Variants in AAMP observed in about 807,000 individuals in gnomAD.
The protein encoded by AAMP is angio associated migratory cell protein, also known as angio-associated migratory cell protein.
Under a neutral mutation model 51.1 loss-of-function variants are expected in AAMP, and 12 were observed. The observed-to-expected ratio is 0.23, with a 90% CI of 0.15 to 0.38. The LOEUF (loss-of-function observed/expected upper bound fraction) is 0.38. Among genes scored for constraint, AAMP ranks in the 10% least tolerant of loss-of-function variants. AAMP has a pLI of 1.00. For missense variants in AAMP, 418 were observed against 557.2 expected (o/e 0.75, Z 2.52); for synonymous variants, 210 against 218.7 (o/e 0.96, Z 0.35).
chr2:218,264,416 A>G lies in AAMP; in HGVS notation c.*117T>C. On this transcript the variant is annotated 3_prime_UTR_variant, in exon 11 of 11. Transcript: ENST00000248450. ...AGCAAGTCAGTTGAAGAGGCTGGAA[A>G]GTCATCCAGGGCCCCACCCTCCTCT... 1.0e-6 allele frequency: 1 copy of G among 983,490 alleles called. No homozygotes were observed. The highest frequency in any genetic ancestry group is 1.4e-5 in the South Asian group (1 of 73,996). The allele number at this position is 983,490 out of a possible 1,614,324, so 60.9% of individuals were successfully genotyped here.
At chr2:218,268,752 G>A (rs1017001976) in intron 2 of AAMP, among the ~76,000 whole-genome samples, 3 of 144,026 alleles carry the variant, frequency 2.1e-5, no homozygotes, top group Non-Finnish European at 4.5e-5. Context: ...AGGCTGGAGT[G>A]CAATGGCGCA....
chr2:218,268,432 A>G (rs1006952411), intron 2 of AAMP, among the ~76,000 whole-genome samples: 27 of 152,028 alleles, frequency 1.8e-4, no homozygotes, highest in African/African-American at 6.0e-4. Flanking sequence ...TCTGCCTCCC[A>G]GGTTCAAGTG....
At chr2:218,268,659 TACTC>T (rs1690696142) in intron 2 of AAMP, among the ~76,000 whole-genome samples, 1 of 151,638 alleles carries the variant, frequency 6.6e-6, no homozygotes, top group South Asian at 2.1e-4. Context: ...TCTAATTTTA[TACTC>T]ACTACTTTTA....
Position 218,265,007 on chromosome 2 carries a change from C to G in AAMP, c.1229+13G>C, listed in dbSNP as rs1424658193. On this transcript the variant is annotated intron_variant, in intron 10 of 10. Transcript: ENST00000248450. This position sits in a 1 kb window ranked among gnomAD's most constrained non-coding sequence, Gnocchi z 6.6. ...AATACACAAAGATCCCAGCCCTTGG[C>G]CAATTCACTTACTTGCTGAGGGCAA... The G allele has an allele frequency of 6.2e-7, 1 of 1,613,698 alleles. No individual in the cohort carries two copies. Among genetic ancestry groups the G allele is most frequent in the Admixed American group, 1.7e-5 (1 of 60,026 alleles).
rs932282857 is a variant in AAMP, at chr2:218,266,093, T to G, written c.734A>C (p.Lys245Thr). ...EDGTIRIWDL[K>T]QGSPIHVLKG... ...CAGTACATGGATAGGGCTTCCCTGCTTCAGGTCCCAAATCCTGATGGTCCC... is the reference window on the plus strand; with the variant it reads ...CAGTACATGGATAGGGCTTCCCTGCGTCAGGTCCCAAATCCTGATGGTCCC... Residue 245 changes from lysine (K) to threonine (T), a missense_variant, in exon 6 of 11, where the codon AAG becomes ACG. Transcript: ENST00000248450. The surrounding 1 kb of genome is among the most constrained non-coding windows in gnomAD (Gnocchi z 4.7). The G allele has an allele frequency of 3.7e-6, 6 of 1,614,184 alleles. No individual in the cohort carries two copies. The highest frequency in any genetic ancestry group is 4.2e-6 in the Non-Finnish European group (5 of 1,180,030).
chr2:218,265,393 A>C lies in AAMP; in HGVS notation c.1052T>G (p.Leu351Arg). 1 of 1,561,024 alleles carries C rather than the reference A, an allele frequency of 6.4e-7. No individual in the cohort carries two copies. Among genetic ancestry groups the C allele is most frequent in the Non-Finnish European group, 8.7e-7 (1 of 1,151,564 alleles). Reference protein sequence around the residue: ...LAIYDLATQTLRHQCQHQSGI... With the variant: ...LAIYDLATQTRRHQCQHQSGI... ...TACCTGGTGCTGACACTGATGCCTA[A>C]GAGTCTGCGTAGCCAGGTCATAGAT... Residue 351 changes from leucine to arginine, a missense_variant, in exon 9 of 11, where the codon CTT (leucine) becomes CGT (arginine). Transcript: ENST00000248450. This position sits in a 1 kb window ranked among gnomAD's most constrained non-coding sequence, Gnocchi z 6.6.
Position 218,265,504 on chromosome 2 carries a change from C to T in AAMP, c.984-43G>A, listed in dbSNP as rs1340978751. The T allele has an allele frequency of 2.6e-6, 4 of 1,566,642 alleles. No individual in the cohort carries two copies. The highest frequency in any genetic ancestry group is 3.5e-6 in the Non-Finnish European group (4 of 1,141,192). On this transcript the variant is annotated intron_variant, in intron 8 of 10. Transcript: ENST00000248450. The surrounding 1 kb of genome is among the most constrained non-coding windows in gnomAD (Gnocchi z 6.6). Reference sequence around the variant, plus strand: ...CCATGAAGACTCATGAGGGCCTGGACTCACACGCCCTGCCGTCCTCCCGGG... The same window carrying T: ...CCATGAAGACTCATGAGGGCCTGGATTCACACGCCCTGCCGTCCTCCCGGG...
chr2:218,267,031 C>A lies in AAMP; in HGVS notation c.395-45G>T. 6.2e-7 allele frequency: 1 copy of A among 1,607,242 alleles called. No homozygotes were observed. Among genetic ancestry groups the A allele is most frequent in the South Asian group, 1.1e-5 (1 of 90,786 alleles). Reference sequence around the variant, plus strand: ...GAAAACAGAGGAAAAAAATAGGGTACCTGGTGCTGGGGGCATGTGATTCTG... The same window carrying A: ...GAAAACAGAGGAAAAAAATAGGGTAACTGGTGCTGGGGGCATGTGATTCTG... On this transcript the variant is annotated intron_variant, in intron 3 of 10. Transcript: ENST00000248450. The surrounding 1 kb of genome is among the most constrained non-coding windows in gnomAD (Gnocchi z 4.6).
Position 218,266,777 on chromosome 2 carries a change from T to C in AAMP, c.534+70A>G, listed in dbSNP as rs936325735. The C allele has an allele frequency of 4.2e-5, 67 of 1,600,712 alleles. No individual in the cohort carries two copies. Among genetic ancestry groups the C allele is most frequent in the Middle Eastern group, 2.1e-4 (1 of 4,682 alleles). ...TGGCTTGGCGCAATAAAGGCAGAAC[T>C]GGCCTCCCAAGCTTGCACCCCCAAC... On this transcript the variant is annotated intron_variant, in intron 4 of 10. Transcript: ENST00000248450. This position sits in a 1 kb window ranked among gnomAD's most constrained non-coding sequence, Gnocchi z 4.7.
Position 218,266,466 on chromosome 2 carries a change from G to A in AAMP, c.656C>T (p.Thr219Ile). 2 of 1,614,070 alleles carry A rather than the reference G, an allele frequency of 1.2e-6. No individual in the cohort carries two copies. The highest frequency in any genetic ancestry group is 1.7e-6 in the Non-Finnish European group (2 of 1,179,964). Residue 219 changes from threonine to isoleucine, a missense_variant, in exon 5 of 11, where the codon ACC becomes ATC. Transcript: ENST00000248450. The surrounding 1 kb of genome is among the most constrained non-coding windows in gnomAD (Gnocchi z 4.7). The stretch of plus-strand genomic sequence containing the variant: ...ACCATCAGGGAGGACTCGGCCACAG[G>A]TGGCTGGGCAGTTGGGACCCTGGAA... ...KTFQGPNCPA[T>I]CGRVLPDGKR...
In AAMP at chr2:218,269,490, C is replaced by T; in HGVS notation, c.166G>A (p.Glu56Lys). 1 of 1,614,278 alleles carries T rather than the reference C, an allele frequency of 6.2e-7. No individual in the cohort carries two copies. ...EMEDVDFEEE[E>K]EEEGNEEGWV... Reference sequence around the variant, plus strand: ...CCCTCTTCGTTGCCCTCTTCCTCCTCTTCTTCCTCAAAGTCCACATCTTCC... The same window carrying T: ...CCCTCTTCGTTGCCCTCTTCCTCCTTTTCTTCCTCAAAGTCCACATCTTCC... Residue 56 changes from glutamate (E) to lysine (K), a missense_variant, in exon 2 of 11, where the codon GAG (glutamate) becomes AAG (lysine). Glu to Lys is a moderately conservative substitution (Grantham distance 56, BLOSUM62 1). Transcript: ENST00000248450.
At chr2:218,269,337 A>T in intron 2 of AAMP, 45 bp downstream of exon 2, 1 of 1,610,210 alleles carries the variant, frequency 6.2e-7, no homozygotes, top group Non-Finnish European at 8.5e-7. Flanking sequence ...TAATGCTTAC[A>T]CGCCCACCTA....
intron 1 of AAMP, chr2:218,269,758 G>T: frequency 3.0e-6 from 3 of 996,612 alleles, no homozygotes; most frequent in Non-Finnish European, 4.4e-6. Context: ...AAGGGGGTGT[G>T]TGAGGGGAAG....
At position 218,265,006 on chromosome 2, in the gene AAMP, G is replaced by T; in HGVS notation, c.1229+14C>A. ...AAATACACAAAGATCCCAGCCCTTG[G>T]CCAATTCACTTACTTGCTGAGGGCA... On this transcript the variant is annotated intron_variant, in intron 10 of 10. Transcript: ENST00000248450. The surrounding 1 kb of genome is among the most constrained non-coding windows in gnomAD (Gnocchi z 6.6). The T allele has an allele frequency of 6.2e-7, 1 of 1,613,586 alleles. No individual in the cohort carries two copies. Among genetic ancestry groups the T allele is most frequent in the South Asian group, 1.1e-5 (1 of 91,088 alleles).
intron 1 of AAMP, 152 bp from the exon 2 acceptor site, chr2:218,269,686 A>T: frequency 7.5e-7 from 1 of 1,326,640 alleles, no homozygotes; most frequent in Non-Finnish European, 1.1e-6. Context: ...CGCGGGACAC[A>T]GGACGGGAGG....
intron 1 of AAMP, 112 bp from the exon 2 acceptor site, chr2:218,269,646 G>T: frequency 1.3e-6 from 2 of 1,565,358 alleles, no homozygotes; most frequent in Non-Finnish European, 1.7e-6. Context: ...AGGGAAGGTG[G>T]AGTCAGACAC....
rs760838379 is a variant in AAMP at position 218,267,612 on chromosome 2, T to A, written c.276A>T (p.Ala92=). The change falls in exon 3 of 11, where the codon GCA becomes GCT. Residue 92 remains alanine (A), a splice_region_variant and synonymous_variant. Transcript: ENST00000248450. This position sits in a 1 kb window ranked among gnomAD's most constrained non-coding sequence, Gnocchi z 4.6. ...DSEVTFALHS[A]SVFCVSLDPK... ...GGTCCAGGCTCACACAAAACACAGA[T>A]GCTGTCCCAAGAGATATTCCATGGG... 6.2e-7 allele frequency: 1 copy of A among 1,614,092 alleles called. No individual in the cohort carries two copies. The highest frequency in any genetic ancestry group is 1.7e-5 in the Admixed American group (1 of 60,008).
Position 218,265,690 on chromosome 2 carries a change from C to G in AAMP, c.880-8G>C, listed in dbSNP as rs371630534. The G allele has an allele frequency of 4.6e-4, 740 of 1,611,424 alleles. 11 individuals carry two copies. The Middle Eastern group carries it at 0.024, about 53-fold the overall frequency. On this transcript the variant is annotated splice_region_variant and splice_polypyrimidine_tract_variant and intron_variant, in intron 7 of 10. Coordinates refer to ENST00000248450, the MANE Select transcript of AAMP (RefSeq NM_001087.5). This position sits in a 1 kb window ranked among gnomAD's most constrained non-coding sequence, Gnocchi z 6.6. The stretch of plus-strand genomic sequence containing the variant: ...TCTAAAAACACCCACCACCTGAAAG[C>G]CAGAGAGGATCAGAGGAGGACACGG...
In AAMP at chr2:218,265,257, G is replaced by A. The variant is rs897023833; in HGVS notation, c.1075-83C>T. 11 of 1,558,436 alleles carry A rather than the reference G, an allele frequency of 7.1e-6. No individual in the cohort carries two copies. In the African/African-American group the frequency reaches 1.5e-4, roughly 21 times the overall value. Reference sequence around the variant, plus strand: ...TGCTCCCAATTCTCAAAGAGGGACAGCCACACACAAGGGCCAGGCAGGAGC... The same window carrying A: ...TGCTCCCAATTCTCAAAGAGGGACAACCACACACAAGGGCCAGGCAGGAGC... On this transcript the variant is annotated intron_variant, in intron 9 of 10. Transcript: ENST00000248450. This position sits in a 1 kb window ranked among gnomAD's most constrained non-coding sequence, Gnocchi z 6.6.
Sources: gnomAD v4.1 joint callset for allele counts (sites outside exome capture counted in the v4.1 genomes callset) on GRCh38, gnomAD v4.1.1 for gene constraint, Gnocchi (gnomAD v3.1) non-coding constraint, MANE v1.5 for transcripts, NCBI Gene and HGNC (gene_info 2026-07-23, HGNC 2026-07-21) for gene names.